VMA21: variants seen among roughly 807,000 people sequenced by gnomAD.
VMA21 encodes vacuolar ATPase assembly integral membrane protein VMA21.
For missense variants in VMA21, 61 were observed against 80.6 expected, an observed-to-expected ratio of 0.76 and a Z score of 0.93; for synonymous variants, 47 against 34.1, an observed-to-expected ratio of 1.38 and a Z score of -1.32.
intron 2 of VMA21, 102 bp from the exon 3 acceptor site, chrX:151,404,814 A>G: frequency 1.0e-6 from 1 of 960,604 alleles, no homozygotes; most frequent in Non-Finnish European, 1.5e-6. Flanking sequence ...TTGCCTGACT[A>G]GTTAAATAAA....
chrX:151,399,963 G>A (rs2011225441), intron 1 of VMA21, among the ~76,000 whole-genome samples: 1 of 110,735 alleles, frequency 9.0e-6, no homozygotes, highest in Non-Finnish European at 1.9e-5. Flanking sequence ...ATGATGTTAT[G>A]GCATACATAT....
intron 1 of VMA21, 39 bp from the exon 2 acceptor site, chrX:151,403,592 G>A (rs772638485): frequency 9.9e-7 from 1 of 1,006,399 alleles, no homozygotes; most frequent in East Asian, 3.0e-5. Flanking sequence ...GGATATGACT[G>A]TGCAGGTTCT....
upstream of VMA21, chrX:151,397,197 C>A: frequency 1.1e-6 from 1 of 914,947 alleles, no homozygotes; most frequent in Non-Finnish European, 1.5e-6. Context: ...ACTTCCGGCG[C>A]GAACCGCTAC....
intron 1 of VMA21, among the ~76,000 whole-genome samples, chrX:151,401,321 A>G (rs758333332): frequency 9.0e-6 from 1 of 111,561 alleles, no homozygotes; most frequent in Non-Finnish European, 1.9e-5. Context: ...CCCCTGTCGA[A>G]GATTAGTTGG....
Position 151,403,862 on chromosome X carries a change from T to A in VMA21, c.163+122T>A, listed in dbSNP as rs2011258962. ...TTTTCTTGTTTAGCTTTTCAAAAAA[T>A]CATATTGCTCATAATGAGTCTTTAT... On this transcript the variant is annotated intron_variant, in intron 2 of 2. Coordinates refer to ENST00000330374, the MANE Select transcript of VMA21 (RefSeq NM_001017980.4). The A allele has an allele frequency of 6.1e-6, 3 of 495,624 alleles. No homozygotes were observed. In the African/African-American group the frequency reaches 7.1e-5, roughly 12 times the overall value. The allele number at this position is 495,624 out of a possible 1,213,427, so 40.8% of individuals were successfully genotyped here.
upstream of VMA21, chrX:151,397,149 C>CCGCCCGGCGCGAACGGGCA (rs2011198548): frequency 8.5e-6 from 4 of 470,914 alleles, no homozygotes; most frequent in Non-Finnish European, 9.4e-6. Context: ...CTGTGGCCCG[C>CCGCCCGGCGCGAACGGGCA]CGCCCGGCGC....
At chrX:151,396,877 G>A (rs1182682833), upstream of VMA21, 2 of 524,340 alleles carry the variant, frequency 3.8e-6, no homozygotes, top group East Asian at 3.6e-5. Flanking sequence ...CTCAGCGACC[G>A]AGACGCAGAC....
chrX:151,396,682 T>C (rs1031609846), upstream of VMA21: 50 of 408,397 alleles, frequency 1.2e-4, no homozygotes, highest in Non-Finnish European at 1.9e-4. Flanking sequence ...TGCCAAGGGC[T>C]TGACTTCCTA....
At chrX:151,397,709 C>G (rs2011205395) in intron 1 of VMA21, among the ~76,000 whole-genome samples, 1 of 112,337 alleles carries the variant, frequency 8.9e-6, no homozygotes, top group Admixed American at 9.4e-5. Context: ...CTCCGTGTTC[C>G]CTAGGGGGCC....
At chrX:151,402,959 C>G (rs1236466959) in intron 1 of VMA21, among the ~76,000 whole-genome samples, 5 of 111,177 alleles carry the variant, frequency 4.5e-5, no homozygotes, top group African/African-American at 1.6e-4. Flanking sequence ...CCTGTGGTGC[C>G]TGCCGAGTTC....
At chrX:151,401,755 C>CT (rs1041518892) in intron 1 of VMA21, among the ~76,000 whole-genome samples, 19 of 109,929 alleles carry the variant, frequency 1.7e-4, no homozygotes, top group Non-Finnish European at 5.7e-5. Context: ...TCCTAAGTTT[C>CT]TTTTTTTTTG....
intron 2 of VMA21, among the ~76,000 whole-genome samples, chrX:151,404,076 ATTT>A (rs34226325): frequency 2.0e-5 from 2 of 98,639 alleles, no homozygotes. Flanking sequence ...TGATGTTGAA[ATTT>A]TTTTTTTTTT....
At chrX:151,401,728 G>A (rs747878094) in intron 1 of VMA21, among the ~76,000 whole-genome samples, 1 of 111,131 alleles carries the variant, frequency 9.0e-6, no homozygotes, top group African/African-American at 3.3e-5. Context: ...GTCACTCATC[G>A]CCTTGGTTAA....
upstream of VMA21, chrX:151,396,650 G>A (rs1401957785): frequency 1.6e-5 from 6 of 372,906 alleles, no homozygotes; most frequent in Non-Finnish European, 2.8e-5. Context: ...GGACTCGGGT[G>A]AGTGTTTTAA....
At chrX:151,399,682 C>G (rs1387296003) in intron 1 of VMA21, among the ~76,000 whole-genome samples, 1 of 111,545 alleles carries the variant, frequency 9.0e-6, no homozygotes, top group Non-Finnish European at 1.9e-5. Context: ...TTTAAGGGAG[C>G]TTATGTATAT....
upstream of VMA21, chrX:151,396,936 C>T: frequency 1.9e-6 from 1 of 524,414 alleles, no homozygotes; most frequent in Non-Finnish European, 3.5e-6. Flanking sequence ...CCGCCGCCCG[C>T]CCAGGAGGAC....
chrX:151,401,754 T>G (rs182808926), intron 1 of VMA21, among the ~76,000 whole-genome samples: 2 of 111,644 alleles, frequency 1.8e-5, no homozygotes, highest in Admixed American at 9.5e-5. Context: ...TTCCTAAGTT[T>G]CTTTTTTTTT....
chrX:151,397,391 G>T, intron 1 of VMA21, 30 bp downstream of exon 1: 1 of 1,156,316 alleles, frequency 8.6e-7, no homozygotes, highest in Non-Finnish European at 1.1e-6. Flanking sequence ...GGACCGCGAG[G>T]CGGACTGGCC....
intron 1 of VMA21, among the ~76,000 whole-genome samples, chrX:151,397,779 C>T (rs898097807): frequency 6.3e-5 from 7 of 111,729 alleles, no homozygotes; most frequent in Non-Finnish European, 1.3e-4. Flanking sequence ...AGGGAATAGT[C>T]CCCTGGTGTG....
Sources: allele counts gnomAD v4.1 joint callset (sites outside exome capture counted in the v4.1 genomes callset), GRCh38; gene constraint gnomAD v4.1.1; transcripts MANE v1.5; gene names NCBI Gene and HGNC (gene_info 2026-07-23, HGNC 2026-07-21).